Variants in ZNF469 observed in about 807,000 individuals in gnomAD.
The protein encoded by ZNF469 is zinc finger protein 469.
ZNF469 carries 1 observed loss-of-function variant against 1.0 expected under a neutral mutation model. That is an observed-to-expected ratio of 1.00 (90% confidence interval 0.35 to 4.73). The LOEUF (loss-of-function observed/expected upper bound fraction) is 4.73. ZNF469 is among the 30% of genes most tolerant of loss of function. The probability of loss-of-function intolerance (pLI) is 0.16; values close to 1 mark genes in which losing one functional copy is unlikely to be tolerated. For synonymous variants in ZNF469, 2,703 were observed against 2,363.4 expected (o/e 1.14, Z -4.17); for missense variants, 6,100 against 5,356.3 (o/e 1.14, Z -4.33).
At chr16:88,247,293 GTGAA>G in the ZNF469 span, among the ~76,000 whole-genome samples, 2 of 148,146 alleles carry the variant, frequency 1.4e-5, no homozygotes, top group South Asian at 2.2e-4. Flanking sequence ...GAGTGAGCGA[GTGAA>G]TGAGTGAGTG....
the ZNF469 span, among the ~76,000 whole-genome samples, chr16:88,242,988 G>A: frequency 1.3e-5 from 2 of 152,150 alleles, no homozygotes; most frequent in African/African-American, 2.4e-5. Flanking sequence ...AACCCCACAG[G>A]GAGACACTGA....
the ZNF469 span, among the ~76,000 whole-genome samples, chr16:88,343,085 G>A: frequency 1.0e-3 from 158 of 152,310 alleles, 2 homozygotes; most frequent in South Asian, 0.031. Flanking sequence ...CACCCCTTGT[G>A]GTCCATAGGC....
chr16:88,149,147 C>T, the ZNF469 span, among the ~76,000 whole-genome samples: 1 of 152,196 alleles, frequency 6.6e-6, no homozygotes, highest in Non-Finnish European at 1.5e-5. Flanking sequence ...CCTCCAAGGT[C>T]ACACAAGGTC....
At chr16:88,107,878 C>T in the ZNF469 span, among the ~76,000 whole-genome samples, 2 of 152,242 alleles carry the variant, frequency 1.3e-5, no homozygotes, top group Non-Finnish European at 2.9e-5. Flanking sequence ...CTCCACACCA[C>T]ATTTTAAGGC....
At chr16:88,285,466 T>C in the ZNF469 span, among the ~76,000 whole-genome samples, 1 of 152,168 alleles carries the variant, frequency 6.6e-6, no homozygotes, top group Admixed American at 6.5e-5. Context: ...CACAGCAGAA[T>C]CTTCCAGGCA....
the ZNF469 span, among the ~76,000 whole-genome samples, chr16:88,102,894 T>G: frequency 6.6e-6 from 1 of 152,240 alleles, no homozygotes; most frequent in Non-Finnish European, 1.5e-5. Flanking sequence ...CGTGGCAGAA[T>G]GCATGTGCTC....
chr16:88,140,458 C>CG, the ZNF469 span, among the ~76,000 whole-genome samples: 7 of 151,074 alleles, frequency 4.6e-5, no homozygotes, highest in Admixed American at 4.0e-4. Context: ...ACGTAGAAAT[C>CG]GGGGGGTAGC....
At chr16:88,250,274 C>T in the ZNF469 span, among the ~76,000 whole-genome samples, 1 of 152,200 alleles carries the variant, frequency 6.6e-6, no homozygotes, top group Non-Finnish European at 1.5e-5. Context: ...TTAGTCTCGC[C>T]TATTTGAACT....
chr16:88,256,342 A>G, the ZNF469 span, among the ~76,000 whole-genome samples: 1 of 152,312 alleles, frequency 6.6e-6, no homozygotes, highest in Middle Eastern at 3.4e-3. Flanking sequence ...TGACTTAGTA[A>G]TATGCACTTA....
chr16:88,310,852 C>T, the ZNF469 span, among the ~76,000 whole-genome samples: 2 of 152,116 alleles, frequency 1.3e-5, no homozygotes, highest in East Asian at 1.9e-4. Flanking sequence ...ACAGAAAAAT[C>T]GAGAAGATGG....
chr16:88,384,150 A>C (rs929961072), intron 1 of ZNF469, among the ~76,000 whole-genome samples: 1 of 152,232 alleles, frequency 6.6e-6, no homozygotes, highest in Non-Finnish European at 1.5e-5. Context: ...TATCACGTTT[A>C]ATCCTTACGT....
At chr16:88,291,231 G>A in the ZNF469 span, among the ~76,000 whole-genome samples, 3 of 152,192 alleles carry the variant, frequency 2.0e-5, no homozygotes, top group African/African-American at 7.2e-5. Context: ...GAAACCATGA[G>A]CTTCCTGTTC....
intron 1 of ZNF469, among the ~76,000 whole-genome samples, chr16:88,389,137 CA>C (rs1221604533): frequency 2.0e-5 from 3 of 152,128 alleles, no homozygotes; most frequent in African/African-American, 4.8e-5. Context: ...TTTATCACCC[CA>C]AAAAAAACCC....
chr16:88,390,396 G>A (rs1047411858), intron 1 of ZNF469, among the ~76,000 whole-genome samples: 4 of 152,204 alleles, frequency 2.6e-5, no homozygotes, highest in African/African-American at 9.7e-5. Context: ...AGGGGTTGGG[G>A]GAGGCAGGCC....
At chr16:88,159,697 A>G in the ZNF469 span, among the ~76,000 whole-genome samples, 1 of 151,762 alleles carries the variant, frequency 6.6e-6, no homozygotes, top group Non-Finnish European at 1.5e-5. Flanking sequence ...ACACTTTCCT[A>G]TCATTTAAAA....
chr16:88,224,756 CGT>C, the ZNF469 span, among the ~76,000 whole-genome samples: 3 of 150,978 alleles, frequency 2.0e-5, no homozygotes, highest in Non-Finnish European at 2.9e-5. Context: ...TAAGTGTGCA[CGT>C]GTGTGTCTGT....
the ZNF469 span, among the ~76,000 whole-genome samples, chr16:88,248,720 A>T: frequency 2.6e-5 from 4 of 152,298 alleles, no homozygotes; most frequent in African/African-American, 7.2e-5. Flanking sequence ...GCATTTATTC[A>T]TCTGGACTCC....
At chr16:88,165,279 TC>T in the ZNF469 span, among the ~76,000 whole-genome samples, 1 of 152,228 alleles carries the variant, frequency 6.6e-6, no homozygotes, top group African/African-American at 2.4e-5. Context: ...CTTCCCTGGC[TC>T]CCAATGCCCA....
the ZNF469 span, among the ~76,000 whole-genome samples, chr16:88,270,979 C>T: frequency 2.0e-5 from 3 of 152,364 alleles, no homozygotes; most frequent in South Asian, 2.1e-4. Flanking sequence ...GATTCACGGC[C>T]GGTCCACATC....
Sources: gnomAD v4.1 joint callset for allele counts (sites outside exome capture counted in the v4.1 genomes callset) on GRCh38, gnomAD v4.1.1 for gene constraint, MANE v1.5 for transcripts, NCBI Gene and HGNC (gene_info 2026-07-23, HGNC 2026-07-21) for gene names.